Variants in NAALADL2 observed in about 807,000 individuals in gnomAD.
NAALADL2 encodes inactive N-acetylated-alpha-linked acidic dipeptidase-like protein 2.
In NAALADL2, 76 loss-of-function variants were observed where a neutral mutation model predicts 87.2. The observed-to-expected ratio is 0.87, with a 90% CI of 0.72 to 1.05. The LOEUF is 1.05. NAALADL2 is among the 50% of genes least tolerant of loss of function. The pLI is 0.00. For missense variants in NAALADL2, 1,089 were observed against 945.8 expected (o/e 1.15, Z -1.99); for synonymous variants, 354 against 331.0 (o/e 1.07, Z -0.75).
intron 1 of NAALADL2, among the ~76,000 whole-genome samples, chr3:174,496,163 T>A (rs771530182): frequency 2.0e-5 from 3 of 152,178 alleles, no homozygotes; most frequent in Non-Finnish European, 2.9e-5. Flanking sequence ...TCATTGAGCA[T>A]CCGTCACTAT....
At chr3:174,659,700 G>A (rs189138295) in intron 2 of NAALADL2, among the ~76,000 whole-genome samples, 40 of 152,308 alleles carry the variant, frequency 2.6e-4, no homozygotes, top group African/African-American at 8.7e-4. Flanking sequence ...GGGAAGATAA[G>A]TCAGGTTATT....
intron 2 of NAALADL2, among the ~76,000 whole-genome samples, chr3:174,694,542 A>C (rs1204677271): frequency 6.6e-6 from 1 of 152,058 alleles, no homozygotes; most frequent in Non-Finnish European, 1.5e-5. Flanking sequence ...GGGCAGTTTG[A>C]ATTTGTACCT....
At chr3:175,543,175 C>T (rs1712679365) in intron 9 of NAALADL2, among the ~76,000 whole-genome samples, 1 of 152,164 alleles carries the variant, frequency 6.6e-6, no homozygotes, top group South Asian at 2.1e-4. Flanking sequence ...TTCCATTTCT[C>T]TCCCTACTGC....
At chr3:175,581,936 A>G (rs9827243) in intron 10 of NAALADL2, among the ~76,000 whole-genome samples, 19,429 of 152,168 alleles carry the variant, frequency 0.13, 3,189 homozygotes, top group African/African-American at 0.38. Context: ...TTTTCTGGGC[A>G]TCTTTGAGTA....
intron 1 of NAALADL2, among the ~76,000 whole-genome samples, chr3:174,994,752 T>C (rs1050394806): frequency 2.6e-5 from 4 of 152,214 alleles, no homozygotes; most frequent in African/African-American, 7.2e-5. Context: ...CTTAGTCTAT[T>C]TCCGTTTGGA....
intron 12 of NAALADL2, among the ~76,000 whole-genome samples, chr3:175,749,502 A>G (rs1027025085): frequency 5.3e-5 from 8 of 151,980 alleles, no homozygotes; most frequent in African/African-American, 1.9e-4. Flanking sequence ...AGAAGGCTAT[A>G]TCCTTTGGAG....
chr3:175,505,692 A>T (rs1045374673), intron 9 of NAALADL2, among the ~76,000 whole-genome samples: 3 of 152,200 alleles, frequency 2.0e-5, no homozygotes, highest in Non-Finnish European at 4.4e-5. Context: ...GACAATAAAA[A>T]TGTGTTCAAG....
At chr3:175,331,627 T>C (rs1374197242) in intron 5 of NAALADL2, among the ~76,000 whole-genome samples, 1 of 152,144 alleles carries the variant, frequency 6.6e-6, no homozygotes, top group Non-Finnish European at 1.5e-5. Flanking sequence ...ATAAAGGCTA[T>C]ATATGAAAAA....
chr3:174,960,040 G>A (rs1359737477), intron 1 of NAALADL2, among the ~76,000 whole-genome samples: 2 of 151,980 alleles, frequency 1.3e-5, no homozygotes, highest in African/African-American at 4.8e-5. Flanking sequence ...AGTCTTGTGG[G>A]GGCAAAGTTG....
chr3:174,905,216 C>G (rs1252173149), intron 1 of NAALADL2, among the ~76,000 whole-genome samples: 1 of 150,130 alleles, frequency 6.7e-6, no homozygotes, highest in African/African-American at 2.4e-5. Flanking sequence ...CTGACAAGAT[C>G]GAAACCTATT....
At chr3:174,511,219 T>C (rs939100878) in intron 1 of NAALADL2, among the ~76,000 whole-genome samples, 5 of 152,064 alleles carry the variant, frequency 3.3e-5, no homozygotes, top group Non-Finnish European at 7.4e-5. Context: ...GTATATGTAC[T>C]GATTTTTTTT....
intron 3 of NAALADL2, among the ~76,000 whole-genome samples, chr3:175,247,994 A>G (rs1748305209): frequency 6.6e-6 from 1 of 152,224 alleles, no homozygotes. Flanking sequence ...TTAGACTGCT[A>G]AGTTTTTATA....
Position 174,961,940 on chromosome 3 carries a change from T to C in NAALADL2, c.43+102490T>C, listed in dbSNP as rs376888173. On this transcript the variant is annotated intron_variant, in intron 1 of 13. Transcript: ENST00000454872. Reference sequence around the variant, plus strand: ...ATCCTGGGACCTTTGTCTACTCCCCTGCAACACTGTAGCAGGGTTGGTCTG... The same window carrying C: ...ATCCTGGGACCTTTGTCTACTCCCCCGCAACACTGTAGCAGGGTTGGTCTG... Among the ~76,000 whole-genome samples the C allele has an allele frequency of 3.3e-5, 5 of 152,134 alleles. 1 individual carries two copies. The East Asian group carries it at 9.7e-4, about 30-fold the overall frequency.
At chr3:174,508,880 C>T (rs947880963) in intron 1 of NAALADL2, among the ~76,000 whole-genome samples, 1 of 152,034 alleles carries the variant, frequency 6.6e-6, no homozygotes, top group South Asian at 2.1e-4. Context: ...AAACACATCT[C>T]AAAAAGTATA....
intron 2 of NAALADL2, among the ~76,000 whole-genome samples, chr3:174,672,750 T>C (rs2108805592): frequency 6.6e-6 from 1 of 152,006 alleles, no homozygotes; most frequent in East Asian, 1.9e-4. Flanking sequence ...TTCCAGGCCT[T>C]GAGGACAGCA....
intron 3 of NAALADL2, among the ~76,000 whole-genome samples, chr3:174,817,990 C>T (rs1215897751): frequency 6.6e-6 from 1 of 152,132 alleles, no homozygotes; most frequent in East Asian, 1.9e-4. Flanking sequence ...ATTCATATTG[C>T]ATTTTGTTCT....
At chr3:175,274,273 G>A (rs1285730350) in intron 4 of NAALADL2, among the ~76,000 whole-genome samples, 2 of 152,070 alleles carry the variant, frequency 1.3e-5, no homozygotes, top group Non-Finnish European at 1.5e-5. Flanking sequence ...AACAGCATGG[G>A]AAAATCCCAC....
intron 6 of NAALADL2, among the ~76,000 whole-genome samples, chr3:175,457,571 G>A (rs9870353): frequency 0.76 from 115,969 of 151,900 alleles, 44,616 homozygotes; most frequent in East Asian, 0.89. Flanking sequence ...TGTCACTGCA[G>A]TGCAGTGGCA....
intron 2 of NAALADL2, among the ~76,000 whole-genome samples, chr3:174,704,604 G>A (rs1578611541): frequency 6.6e-6 from 1 of 151,466 alleles, no homozygotes; most frequent in African/African-American, 2.4e-5. Flanking sequence ...CCATGTGATG[G>A]AAGATAGATT....
Sources: gnomAD v4.1 joint callset for allele counts (sites outside exome capture counted in the v4.1 genomes callset) on GRCh38, gnomAD v4.1.1 for gene constraint, MANE v1.5 for transcripts, NCBI Gene and HGNC (gene_info 2026-07-23, HGNC 2026-07-21) for gene names.